SLC4A7: variants seen among roughly 807,000 people sequenced by gnomAD.
SLC4A7 encodes sodium bicarbonate cotransporter 3.
SLC4A7 carries 51 observed loss-of-function variants against 137.6 expected under a neutral mutation model. The ratio of observed to expected loss-of-function variants is 0.37; its 90% confidence interval spans 0.30 to 0.47. The LOEUF (loss-of-function observed/expected upper bound fraction) is 0.47. Among genes scored for constraint, SLC4A7 ranks in the 20% least tolerant of loss-of-function variants. The pLI is 1.00. For synonymous variants in SLC4A7, 542 were observed against 518.6 expected (o/e 1.05, Z -0.61); for missense variants, 1,247 against 1,525.4 (o/e 0.82, Z 3.04).
At chr3:27,411,922 TAGAAGC>T (rs1337271846) in intron 11 of SLC4A7, among the ~76,000 whole-genome samples, 174 bp from the exon 12 acceptor site, 8 of 152,196 alleles carry the variant, frequency 5.3e-5, no homozygotes, top group Non-Finnish European at 1.0e-4. Flanking sequence ...TCTTTAAAAA[TAGAAGC>T]TAATGTCAGT....
chr3:27,381,072 T>C (rs571139611), intron 24 of SLC4A7, among the ~76,000 whole-genome samples: 1 of 152,304 alleles, frequency 6.6e-6, no homozygotes, highest in South Asian at 2.1e-4. Context: ...ACACAAATAA[T>C]CCAAAGCTAT....
chr3:27,379,939 A>C (rs1229015121), intron 24 of SLC4A7, among the ~76,000 whole-genome samples: 1 of 152,222 alleles, frequency 6.6e-6, no homozygotes, highest in Non-Finnish European at 1.5e-5. Context: ...AAATAGCCTC[A>C]TGAGTACCAC....
chr3:27,453,457 T>C (rs2058212444), intron 1 of SLC4A7, among the ~76,000 whole-genome samples: 1 of 151,926 alleles, frequency 6.6e-6, no homozygotes, highest in Non-Finnish European at 1.5e-5. Flanking sequence ...CCACTAAAAA[T>C]ACAAAATTAG....
At chr3:27,403,077 C>T (rs113763733) in intron 15 of SLC4A7, 62 bp downstream of exon 15, 2 of 1,515,168 alleles carry the variant, frequency 1.3e-6, no homozygotes, top group East Asian at 4.5e-5. Context: ...AATTCATTTT[C>T]TGAGGCTCTG....
intron 1 of SLC4A7, among the ~76,000 whole-genome samples, chr3:27,464,474 G>T (rs971677354): frequency 6.6e-6 from 1 of 151,896 alleles, no homozygotes; most frequent in Non-Finnish European, 1.5e-5. Flanking sequence ...TTGGGAGGCC[G>T]AGGCAGAGGT....
chr3:27,379,936 C>T (rs11709954), intron 24 of SLC4A7, among the ~76,000 whole-genome samples: 25,340 of 152,108 alleles, frequency 0.17, 2,487 homozygotes, highest in Non-Finnish European at 0.23. Flanking sequence ...ACAAAATAGC[C>T]TCATGAGTAC....
At chr3:27,409,597 T>A in intron 12 of SLC4A7, 67 bp from the exon 13 acceptor site, 1 of 1,291,908 alleles carries the variant, frequency 7.7e-7, no homozygotes, top group Non-Finnish European at 1.1e-6. Context: ...AAACTAAAAC[T>A]ATGGGCTACA....
intron 1 of SLC4A7, among the ~76,000 whole-genome samples, chr3:27,477,368 T>G (rs2059503223): frequency 6.6e-6 from 1 of 152,240 alleles, no homozygotes; most frequent in South Asian, 2.1e-4. Flanking sequence ...CACTTATTAT[T>G]ATCTCTGTGT....
At chr3:27,392,364 G>A (rs2051653738) in intron 20 of SLC4A7, among the ~76,000 whole-genome samples, 2 of 152,114 alleles carry the variant, frequency 1.3e-5, no homozygotes, top group African/African-American at 4.8e-5. Context: ...TATTAACAGA[G>A]CCCATCCATT....
chr3:27,439,304 T>C (rs189683898), intron 3 of SLC4A7, among the ~76,000 whole-genome samples: 4 of 152,034 alleles, frequency 2.6e-5, no homozygotes, highest in African/African-American at 9.7e-5. Flanking sequence ...AATAAAAGAA[T>C]AGGAGGAGAA....
At chr3:27,377,389 AAT>A (rs1237678212) in intron 25 of SLC4A7, among the ~76,000 whole-genome samples, 2 of 152,096 alleles carry the variant, frequency 1.3e-5, no homozygotes, top group African/African-American at 4.8e-5. Flanking sequence ...AAATATTTGA[AAT>A]ATATATATGT....
chr3:27,406,135 C>T (rs13089870), intron 13 of SLC4A7, among the ~76,000 whole-genome samples: 32,172 of 152,086 alleles, frequency 0.21, 3,500 homozygotes, highest in Non-Finnish European at 0.25. Context: ...GGAGGGCTTC[C>T]GAAACTAGAT....
rs1396683066 is a variant in SLC4A7 at position 27,403,212 on chromosome 3, C to T, written c.2248G>A (p.Glu750Lys). The T allele has an allele frequency of 6.2e-7, 1 of 1,613,904 alleles. No individual in the cohort carries two copies. Among genetic ancestry groups the T allele is most frequent in the Admixed American group, 1.7e-5 (1 of 60,024 alleles). ...GTTTCTCCTAAATCAAAGAGCTTCT[C>T]CAAAGCCTCGTAGATGAATATGATG... ...ICIIFIYEALEKLFDLGETYA... is the reference protein window; with the variant it reads ...ICIIFIYEALKKLFDLGETYA... Residue 750 changes from glutamate (E) to lysine (K), a missense_variant, in exon 15 of 26, where the codon GAG becomes AAG. By Grantham distance (56) the Glu-to-Lys change is moderately conservative. This residue lies in a region of SLC4A7 where 499 missense variants were observed against 664.2 expected (regional missense o/e 0.75). Coordinates refer to ENST00000454389, the MANE Select transcript of SLC4A7 (RefSeq NM_001321103.2).
chr3:27,395,014 G>C lies in SLC4A7; in HGVS notation c.2805C>G (p.Leu935=). 6.2e-7 allele frequency: 1 copy of C among 1,610,188 alleles called. No individual in the cohort carries two copies. Among genetic ancestry groups the C allele is most frequent in the Non-Finnish European group, 8.5e-7 (1 of 1,178,850 alleles). The change falls in exon 19 of 26, where the codon CTC becomes CTG. Residue 935 remains leucine, a synonymous_variant. Transcript: ENST00000454389. ...AAIPALLCTI[L]IFMDQQITAV... is the part of the protein sequence containing the mutation. ...CTGTGATTTGTTGATCCATAAAGAT[G>C]AGAATGGTACAAAGCAAAGCAGGAA...
At chr3:27,461,717 T>C (rs944759346) in intron 1 of SLC4A7, among the ~76,000 whole-genome samples, 1 of 151,540 alleles carries the variant, frequency 6.6e-6, no homozygotes, top group Admixed American at 6.6e-5. Flanking sequence ...CCCAATACTT[T>C]GGGAGGCCGA....
At position 27,383,355 on chromosome 3, in the gene SLC4A7, T is replaced by G. The variant is rs1262877100; in HGVS notation, c.3493-105A>C. 2.0e-5 allele frequency: 16 copies of G among 798,454 alleles called. No individual in the cohort carries two copies. In the Middle Eastern group the frequency reaches 6.7e-4, roughly 33 times the overall value. The allele number at this position is 798,454 out of a possible 1,614,324, so 49.5% of individuals were successfully genotyped here. Reference sequence around the variant, plus strand: ...ACTTAGAAACCCAAACTGACATTATTTAAATATAACTGCCATTACTGAAAA... The same window carrying G: ...ACTTAGAAACCCAAACTGACATTATGTAAATATAACTGCCATTACTGAAAA... On this transcript the variant is annotated intron_variant, in intron 23 of 25. Coordinates refer to ENST00000454389, the MANE Select transcript of SLC4A7 (RefSeq NM_001321103.2).
At chr3:27,397,519 G>C (rs574118139) in intron 18 of SLC4A7, among the ~76,000 whole-genome samples, 165 bp downstream of exon 18, 1 of 151,588 alleles carries the variant, frequency 6.6e-6, no homozygotes, top group Admixed American at 6.6e-5. Context: ...TATTGTCATT[G>C]TTTATATACA....
chr3:27,456,326 G>A (rs960126387), intron 1 of SLC4A7, among the ~76,000 whole-genome samples: 7 of 152,050 alleles, frequency 4.6e-5, no homozygotes, highest in Non-Finnish European at 4.4e-5. Context: ...CATAGTTATC[G>A]AACACTTTAG....
At chr3:27,394,821 T>C in intron 19 of SLC4A7, 52 bp from the exon 20 acceptor site, 7 of 1,579,584 alleles carry the variant, frequency 4.4e-6, no homozygotes, top group Non-Finnish European at 6.0e-6. Context: ...GTTCCCTCAA[T>C]TTAAAATTCT....
Sources: allele counts gnomAD v4.1 joint callset (sites outside exome capture counted in the v4.1 genomes callset), GRCh38; gene constraint gnomAD v4.1.1; regional missense constraint gnomAD v4.1.1; transcripts MANE v1.5; gene names NCBI Gene and HGNC (gene_info 2026-07-23, HGNC 2026-07-21).